BAG6: variants seen among roughly 807,000 people sequenced by gnomAD.
The protein encoded by BAG6 is BAG cochaperone 6, also known as large proline-rich protein BAG6.
In BAG6, 22 loss-of-function variants were observed where a neutral mutation model predicts 121.0. The ratio of observed to expected loss-of-function variants is 0.18; its 90% confidence interval spans 0.13 to 0.26. BAG6 has a LOEUF of 0.26. Ranked by LOEUF, BAG6 falls within the 10% of genes least tolerant of loss-of-function variation. The probability of loss-of-function intolerance (pLI) is 1.00; values close to 1 mark genes in which losing one functional copy is unlikely to be tolerated. For missense variants in BAG6, 1,233 were observed against 1,537.7 expected (o/e 0.80, Z 3.31); for synonymous variants, 583 against 584.6 (o/e 1.00, Z 0.04).
Position 31,641,389 on chromosome 6 carries a change from T to C in BAG6, c.2593A>G (p.Ile865Val), listed in dbSNP as rs139014684. 4.8e-5 allele frequency: 77 copies of C among 1,614,226 alleles called. No homozygotes were observed. The African/African-American group carries it at 8.5e-4, about 18-fold the overall frequency. Reference protein sequence around the residue: ...LVQVQPGVDIIRTNLEFLQEQ... With the variant: ...LVQVQPGVDIVRTNLEFLQEQ... ...TGGAGAAATTCCAGGTTTGTCCGGA[T>C]GATGTCCACACCTGGCTGAACCTGC... Residue 865 changes from isoleucine (I) to valine (V), a missense_variant, in exon 19 of 26, where the codon ATC becomes GTC. Around this residue, in one of 7 missense-constraint regions of BAG6, gnomAD observed 288 missense variants for 483.1 expected, o/e 0.60. Transcript: ENST00000676615. This position sits in a 1 kb window ranked among gnomAD's most constrained non-coding sequence, Gnocchi z 5.7.
Position 31,646,402 on chromosome 6 carries a change from T to C in BAG6, c.910A>G (p.Asn304Asp), listed in dbSNP as rs1789283455. 6.2e-7 allele frequency: 1 copy of C among 1,612,924 alleles called. No individual in the cohort carries two copies. Among genetic ancestry groups the C allele is most frequent in the Middle Eastern group, 1.7e-4 (1 of 6,060 alleles). The change falls in exon 8 of 26, where the codon AAT becomes GAT. Residue 304 changes from asparagine (N) to aspartate (D), a missense_variant. By Grantham distance (23) the Asn-to-Asp change is conservative (BLOSUM62 1). Transcript: ENST00000676615. ...VLGAAATTDY[N>D]NNHEGREEDQ... ...GCCATCAAAGGGCTCACATTGTTATTGTAGTCCGTGGTGGCAGCAGCACCC... is the reference window on the plus strand; with the variant it reads ...GCCATCAAAGGGCTCACATTGTTATCGTAGTCCGTGGTGGCAGCAGCACCC...
Position 31,649,587 on chromosome 6 carries a change from A to G in BAG6, c.149T>C (p.Val50Ala). ...KEFKEHIAAS[V>A]SIPSEKQRLI... ...CCGTTGTTTTTCAGATGGGATGCTG[A>G]CAGAGGCAGCAATGTGCTCCTTAAA... is the stretch of plus-strand genomic sequence containing the variant. Residue 50 changes from valine (V) to alanine (A), a missense_variant, in exon 3 of 26, where the codon GTC (valine) becomes GCC (alanine). By Grantham distance (64) the Val-to-Ala change is moderately conservative. Around this residue, in one of 7 missense-constraint regions of BAG6, gnomAD observed 28 missense variants for 24.5 expected, o/e 1.14. Coordinates refer to ENST00000676615, the MANE Select transcript of BAG6 (RefSeq NM_001387994.1). 6.2e-7 allele frequency: 1 copy of G among 1,614,174 alleles called. No homozygotes were observed. Among genetic ancestry groups the G allele is most frequent in the Non-Finnish European group, 8.5e-7 (1 of 1,180,024 alleles).
intron 6 of BAG6, among the ~76,000 whole-genome samples, chr6:31,648,038 C>CA (rs1791861462): frequency 7.0e-6 from 1 of 143,394 alleles, no homozygotes; most frequent in Non-Finnish European, 1.5e-5. Flanking sequence ...TTTTTTGAGA[C>CA]AGAGTCTCGC....
chr6:31,642,202 G>A lies in BAG6; in HGVS notation c.2245C>T (p.Arg749Trp), dbSNP rs770509349. The change falls in exon 16 of 26, where the codon CGG becomes TGG. Residue 749 changes from arginine to tryptophan, a missense_variant. Arg to Trp is a moderately radical substitution (Grantham distance 101). Transcript: ENST00000676615. ...GCAATACTTTCACTGCTGCCAGCCC[G>A]AGCCCCCAGGGAGCCCAGCAGGGAG... ...LSSLLGSLGA[R>W]AGSSESIAAF... The A allele has an allele frequency of 2.5e-6, 4 of 1,612,932 alleles. No individual in the cohort carries two copies. The highest frequency in any genetic ancestry group is 2.2e-5 in the East Asian group (1 of 44,882).
chr6:31,651,272 C>T (rs1583474435), intron 2 of BAG6, among the ~76,000 whole-genome samples: 1 of 152,232 alleles, frequency 6.6e-6, no homozygotes, highest in South Asian at 2.1e-4. Flanking sequence ...GGTGCGGTGG[C>T]TCATGCCTGT....
Position 31,639,066 on chromosome 6 carries a change from T to A in BAG6, c.*65A>T, listed in dbSNP as rs1342781150. 1.0e-5 allele frequency: 14 copies of A among 1,390,438 alleles called. No individual in the cohort carries two copies. Among genetic ancestry groups the A allele is most frequent in the African/African-American group, 1.5e-5 (1 of 68,510 alleles). 86.1% of individuals were successfully genotyped at this position (1,390,438 alleles called of 1,614,324 possible). On this transcript the variant is annotated 3_prime_UTR_variant, in exon 26 of 26. Transcript: ENST00000676615. Reference sequence around the variant, plus strand: ...GCCAGAAAAATCCGACTTTTATTTCTTAAATACTGTGAAGGAAGAGGGGGG... The same window carrying A: ...GCCAGAAAAATCCGACTTTTATTTCATAAATACTGTGAAGGAAGAGGGGGG...
At chr6:31,649,721 C>T in intron 2 of BAG6, 94 bp from the exon 3 acceptor site, 1 of 1,046,238 alleles carries the variant, frequency 9.6e-7, no homozygotes, top group Non-Finnish European at 1.5e-6. Flanking sequence ...GGGGTAAAAA[C>T]CACCACAGAA....
Position 31,639,657 on chromosome 6 carries a change from G to A in BAG6, c.3247-11C>T, listed in dbSNP as rs749607453. 11 of 1,598,024 alleles carry A rather than the reference G, an allele frequency of 6.9e-6. No homozygotes were observed. Among genetic ancestry groups the A allele is most frequent in the Non-Finnish European group, 8.5e-6 (10 of 1,170,378 alleles). ...CTCACCCTGCATCGTCTGGGGGACA[G>A]GGGGTTGGGAGGGAAAAGAGGATCA... On this transcript the variant is annotated splice_polypyrimidine_tract_variant and intron_variant, in intron 24 of 25. Coordinates refer to ENST00000676615, the MANE Select transcript of BAG6 (RefSeq NM_001387994.1).
In BAG6 at chr6:31,639,592, C is replaced by A; in HGVS notation, c.3301G>T (p.Ala1101Ser). 1 of 1,614,054 alleles carries A rather than the reference C, an allele frequency of 6.2e-7. No homozygotes were observed. Among genetic ancestry groups the A allele is most frequent in the Non-Finnish European group, 8.5e-7 (1 of 1,179,942 alleles). ...LLLSEAVSRA[A>S]KAAGARPLTS... ...AGGGGCCGAGCTCCGGCTGCCTTAG[C>A]TGCCCGGCTCACAGCCTCTGAGAGA... The change falls in exon 25 of 26, where the codon GCT becomes TCT. Residue 1101 changes from alanine to serine, a missense_variant. Coordinates refer to ENST00000676615, the MANE Select transcript of BAG6 (RefSeq NM_001387994.1).
In BAG6 at chr6:31,644,575, G is replaced by C; in HGVS notation, c.1397C>G (p.Pro466Arg). Residue 466 changes from proline to arginine, a missense_variant, in exon 11 of 26, where the codon CCG becomes CGG. Physicochemically the swap from Pro to Arg is moderately radical, Grantham distance 103 (BLOSUM62 -2). Coordinates refer to ENST00000676615, the MANE Select transcript of BAG6 (RefSeq NM_001387994.1). The surrounding 1 kb of genome is among the most constrained non-coding windows in gnomAD (Gnocchi z 4.9). The part of the protein sequence containing the change: ...QDSGTQPGGV[P>R]SAPTGPLGPP... Reference sequence around the variant, plus strand: ...TCCCAGGGGGCCAGTGGGAGCACTCGGAACACCACCAGGCTGTGTGCCAGA... The same window carrying C: ...TCCCAGGGGGCCAGTGGGAGCACTCCGAACACCACCAGGCTGTGTGCCAGA... 2 of 1,612,632 alleles carry C rather than the reference G, an allele frequency of 1.2e-6. No individual in the cohort carries two copies. The highest frequency in any genetic ancestry group is 1.7e-6 in the Non-Finnish European group (2 of 1,179,850).
intron 2 of BAG6, among the ~76,000 whole-genome samples, chr6:31,650,868 C>G (rs1290367550): frequency 6.6e-6 from 1 of 152,166 alleles, no homozygotes; most frequent in South Asian, 2.1e-4. Flanking sequence ...ACACAGATAG[C>G]TATGTCCAAG....
rs999227182 is a variant in BAG6, at chr6:31,644,795, C to G, written c.1369+151G>C. ...CCAAAGACAAACCAACCCCCACACCCCCCACATCTGTCTACTTAAGCTTCT... is the reference window on the plus strand; with the variant it reads ...CCAAAGACAAACCAACCCCCACACCGCCCACATCTGTCTACTTAAGCTTCT... On this transcript the variant is annotated intron_variant, in intron 10 of 25. Transcript: ENST00000676615. This position sits in a 1 kb window ranked among gnomAD's most constrained non-coding sequence, Gnocchi z 4.9. 1 of 1,355,634 alleles carries G rather than the reference C, an allele frequency of 7.4e-7. No individual in the cohort carries two copies. The allele number at this position is 1,355,634 out of a possible 1,614,324, so 84.0% of individuals were successfully genotyped here. A position where few individuals can be genotyped will look rare whatever the true frequency, so the allele number is the denominator to read the frequency against.
chr6:31,644,380 A>C lies in BAG6; in HGVS notation c.1482T>G (p.Pro494=). 1 of 1,551,892 alleles carries C rather than the reference A, an allele frequency of 6.4e-7. No individual in the cohort carries two copies. The highest frequency in any genetic ancestry group is 8.7e-7 in the Non-Finnish European group (1 of 1,147,534). ...GGTGGGCGACGGCGTGCATGAACTC[A>C]GGGGGCAGGGAGGGCAGCTGGATGA... ...STLIQLPSLP[P]EFMHAVAHQI... The change falls in exon 12 of 26, where the codon CCT becomes CCG. Residue 494 remains proline (P), a synonymous_variant. Coordinates refer to ENST00000676615, the MANE Select transcript of BAG6 (RefSeq NM_001387994.1). This position sits in a 1 kb window ranked among gnomAD's most constrained non-coding sequence, Gnocchi z 4.9.
rs747605981 is a variant in BAG6 at position 31,642,328 on chromosome 6, G to T, written c.2119C>A (p.Pro707Thr). 1.4e-5 allele frequency: 21 copies of T among 1,553,808 alleles called. No homozygotes were observed. The highest frequency in any genetic ancestry group is 1.7e-5 in the Non-Finnish European group (20 of 1,150,298). The part of the protein sequence containing the change: ...PPAPEQQTMP[P>T]PGSPSGGAGS... The stretch of plus-strand genomic sequence containing the variant: ...GCGCCACCAGAAGGGGAGCCTGGTG[G>T]GGGCATGGTCTGCTGCTCTGGGGCA... The change falls in exon 16 of 26, where the codon CCA becomes ACA. Residue 707 changes from proline to threonine, a missense_variant. Physicochemically the swap from Pro to Thr is conservative, Grantham distance 38. This residue lies in a region of BAG6 where 777 missense variants were observed against 861.4 expected (regional missense o/e 0.90). Transcript: ENST00000676615.
chr6:31,649,096 C>T (rs534487786), intron 4 of BAG6, 103 bp downstream of exon 4: 1 of 1,537,778 alleles, frequency 6.5e-7, no homozygotes, highest in East Asian at 2.2e-5. Flanking sequence ...ACAGGGCCCC[C>T]TGAACCCAAT....
rs1197360343 is a variant in BAG6, at chr6:31,644,037, T to C, written c.1668+45A>G. 6.2e-7 allele frequency: 1 copy of C among 1,612,884 alleles called. No individual in the cohort carries two copies. The highest frequency in any genetic ancestry group is 2.2e-5 in the East Asian group (1 of 44,876). On this transcript the variant is annotated intron_variant, in intron 13 of 25. Coordinates refer to ENST00000676615, the MANE Select transcript of BAG6 (RefSeq NM_001387994.1). The surrounding 1 kb of genome is among the most constrained non-coding windows in gnomAD (Gnocchi z 4.9). ...CCTTCCATGCACCACCACAGGAGTCTCTCCCTAGACTGTTACGCACTAGAA... is the reference window on the plus strand; with the variant it reads ...CCTTCCATGCACCACCACAGGAGTCCCTCCCTAGACTGTTACGCACTAGAA...
chr6:31,649,017 C>T, intron 4 of BAG6, 53 bp from the exon 5 acceptor site: 1 of 1,513,382 alleles, frequency 6.6e-7, no homozygotes, highest in Non-Finnish European at 8.8e-7. Context: ...CTAAGGCCTC[C>T]ACACCTCCAA....
Position 31,642,708 on chromosome 6 carries a change from C to A in BAG6, c.2043+121G>T, listed in dbSNP as rs147367544. 4.2e-4 allele frequency: 494 copies of A among 1,167,256 alleles called. 2 individuals are homozygous for A. The African/African-American group carries it at 6.4e-3, about 15-fold the overall frequency. 72.3% of individuals were successfully genotyped at this position (1,167,256 alleles called of 1,614,324 possible). A position where few individuals can be genotyped will look rare whatever the true frequency, so the allele number is the denominator to read the frequency against. ...TTCAGAGTCAATGAATTCCCAGGGCCCCTTCCCCTAACATGTCACTAGGGG... is the reference window on the plus strand; with the variant it reads ...TTCAGAGTCAATGAATTCCCAGGGCACCTTCCCCTAACATGTCACTAGGGG... On this transcript the variant is annotated intron_variant, in intron 15 of 25. Coordinates refer to ENST00000676615, the MANE Select transcript of BAG6 (RefSeq NM_001387994.1).
rs1011751867 is a variant in BAG6, at chr6:31,648,946, C to T, written c.442G>A (p.Asp148Asn). The T allele has an allele frequency of 2.0e-6, 3 of 1,529,602 alleles. No individual in the cohort carries two copies. The highest frequency in any genetic ancestry group is 2.6e-6 in the Non-Finnish European group (3 of 1,141,408). 94.8% of individuals were successfully genotyped at this position (1,529,602 alleles called of 1,614,324 possible). Reference sequence around the variant, plus strand: ...GCCTGTTCCATGTTGATGTGAACATCCACAGCAGAGCCGTCACTCTGGGGA... The same window carrying T: ...GCCTGTTCCATGTTGATGTGAACATTCACAGCAGAGCCGTCACTCTGGGGA... ...FNLPSDGSAVDVHINMEQAPI... is the reference protein window; with the variant it reads ...FNLPSDGSAVNVHINMEQAPI... The change falls in exon 5 of 26, where the codon GAT becomes AAT. Residue 148 changes from aspartate to asparagine, a missense_variant. Physicochemically the swap from Asp to Asn is conservative, Grantham distance 23. This residue lies in a region of BAG6 where 777 missense variants were observed against 861.4 expected (regional missense o/e 0.90). Coordinates refer to ENST00000676615, the MANE Select transcript of BAG6 (RefSeq NM_001387994.1).
Sources: gnomAD v4.1 joint callset for allele counts (sites outside exome capture counted in the v4.1 genomes callset) on GRCh38, gnomAD v4.1.1 for gene constraint, gnomAD v4.1.1 regional missense constraint, Gnocchi (gnomAD v3.1) non-coding constraint, MANE v1.5 for transcripts, NCBI Gene and HGNC (gene_info 2026-07-23, HGNC 2026-07-21) for gene names.